The following UHRF2 variants were observed in gnomAD, a reference collection of about 807,000 sequenced individuals.
The protein encoded by UHRF2 is ubiquitin like with PHD and ring finger domains 2.
A neutral mutation model predicts 96.8 loss-of-function variants in UHRF2; 23 were observed. The ratio of observed to expected loss-of-function variants is 0.24; its 90% confidence interval spans 0.17 to 0.34. The LOEUF (loss-of-function observed/expected upper bound fraction) is 0.34, where lower values mean the gene tolerates loss of function less well. Ranked by LOEUF, UHRF2 falls within the 10% of genes least tolerant of loss-of-function variation. The probability of loss-of-function intolerance (pLI) is 1.00; values close to 1 mark genes in which losing one functional copy is unlikely to be tolerated. For synonymous variants in UHRF2, 385 were observed against 332.6 expected (o/e 1.16, Z -1.72); for missense variants, 685 against 981.5 (o/e 0.70, Z 4.04).
Position 6,413,255 on chromosome 9 carries a change from T to G in UHRF2, c.-236T>G, listed in dbSNP as rs909595252. 2 of 197,982 alleles carry G rather than the reference T, an allele frequency of 1.0e-5. No homozygotes were observed. Among genetic ancestry groups the G allele is most frequent in the African/African-American group, 4.7e-5 (2 of 42,604 alleles). 12.3% of individuals were successfully genotyped at this position (197,982 alleles called of 1,614,324 possible). A position where few individuals can be genotyped will look rare whatever the true frequency, so the allele number is the denominator to read the frequency against. ...GCCTCTTCCTATCTTTGAGGCGGTG[T>G]CTGCGGCAGCGCCTCAGAGTGGTTC... On this transcript the variant is annotated 5_prime_UTR_variant, in exon 1 of 16. Transcript: ENST00000276893.
Position 6,460,759 on chromosome 9 carries a change from C to T in UHRF2, c.831C>T (p.Thr277=), listed in dbSNP as rs201395060. The T allele has an allele frequency of 1.2e-6, 2 of 1,611,548 alleles. No homozygotes were observed. The highest frequency in any genetic ancestry group is 1.7e-5 in the Admixed American group (1 of 59,514). Residue 277 remains threonine (T), a synonymous_variant, in exon 4 of 16, where the codon ACC becomes ACT. Transcript: ENST00000276893. ...CCACATTGAAGACAATCTCAAGGAC[C>T]AAAAAAGAACTTCGTGTGAAAATTT... The part of the protein sequence containing the change: ...EITTLKTISR[T]KKELRVKIFL...
chr9:6,449,424 A>G (rs1821717944), intron 3 of UHRF2: 1 of 152,246 alleles, frequency 6.6e-6, no homozygotes, highest in African/African-American at 2.4e-5. Flanking sequence ...ATAGACCAGC[A>G]TCATGGTCTA....
At chr9:6,413,875 G>A (rs1259239925) in intron 1 of UHRF2, 4 of 430,248 alleles carry the variant, frequency 9.3e-6, no homozygotes, top group Non-Finnish European at 1.6e-5. Context: ...CAGAAGTGAG[G>A]GCGTCCGGAG....
At chr9:6,445,126 T>C (rs62566133) in intron 3 of UHRF2, among the ~76,000 whole-genome samples, 1 of 582 alleles carries the variant, frequency 1.7e-3, no homozygotes, top group African/African-American at 6.3e-3. Flanking sequence ...CCCTATCTCT[T>C]ATTTAAAAAA....
chr9:6,502,612 A>T (rs13298500), intron 14 of UHRF2, among the ~76,000 whole-genome samples: 41,288 of 152,110 alleles, frequency 0.27, 7,549 homozygotes, highest in African/African-American at 0.51. Flanking sequence ...TATCTGAAAC[A>T]GTTTTTGTTT....
intron 2 of UHRF2, among the ~76,000 whole-genome samples, chr9:6,423,468 C>T (rs1325244191): frequency 1.3e-5 from 2 of 152,110 alleles, no homozygotes; most frequent in African/African-American, 2.4e-5. Context: ...AAAATTATGG[C>T]TGCTTATTAA....
chr9:6,485,675 A>G (rs1824228443), intron 8 of UHRF2, among the ~76,000 whole-genome samples: 1 of 143,160 alleles, frequency 7.0e-6, no homozygotes, highest in Non-Finnish European at 1.5e-5. Flanking sequence ...GCTAAGAACA[A>G]TTGTATTGGC....
intron 4 of UHRF2, among the ~76,000 whole-genome samples, chr9:6,473,296 A>G (rs13283687): frequency 0.04 from 6,151 of 152,306 alleles, 152 homozygotes; most frequent in Middle Eastern, 0.085. Flanking sequence ...CCATGAGTCC[A>G]TAGTAACACA....
In UHRF2 at chr9:6,413,514, T is replaced by G. The variant is rs1462369095; in HGVS notation, c.24T>G (p.Ile8Met). 1 of 1,583,466 alleles carries G rather than the reference T, an allele frequency of 6.3e-7. No homozygotes were observed. The highest frequency in any genetic ancestry group is 8.6e-7 in the Non-Finnish European group (1 of 1,166,110). ...AGATGTGGATACAGGTTCGCACCATTGATGGCTCCAAGACGTGCACCATTG... is the reference window on the plus strand; with the variant it reads ...AGATGTGGATACAGGTTCGCACCATGGATGGCTCCAAGACGTGCACCATTG... MWIQVRT[I>M]DGSKTCTIED... Residue 8 changes from isoleucine (I) to methionine (M), a missense_variant, in exon 1 of 16, where the codon ATT (isoleucine) becomes ATG (methionine). By Grantham distance (10) the Ile-to-Met change is conservative. Transcript: ENST00000276893.
chr9:6,437,545 T>G (rs1820924168), intron 3 of UHRF2, among the ~76,000 whole-genome samples: 1 of 152,106 alleles, frequency 6.6e-6, no homozygotes. Flanking sequence ...ATTTTTTTAT[T>G]GAGTAGTAAG....
At chr9:6,413,947 C>T (rs938542709) in intron 1 of UHRF2, 3 of 234,544 alleles carry the variant, frequency 1.3e-5, no homozygotes, top group African/African-American at 2.3e-5. Flanking sequence ...GTGCCCAGGT[C>T]CCTCGCTTCC....
chr9:6,431,957 CAG>C (rs1213842160), intron 2 of UHRF2, among the ~76,000 whole-genome samples: 5 of 152,168 alleles, frequency 3.3e-5, no homozygotes, highest in Non-Finnish European at 4.4e-5. Context: ...TTTGCTGCGA[CAG>C]AGTAGTAACC....
chr9:6,484,265 A>G (rs1319093610), intron 8 of UHRF2, among the ~76,000 whole-genome samples: 2 of 151,996 alleles, frequency 1.3e-5, no homozygotes, highest in Non-Finnish European at 2.9e-5. Flanking sequence ...TGGTAGAGAC[A>G]GGGTCATGCT....
intron 3 of UHRF2, among the ~76,000 whole-genome samples, chr9:6,460,371 T>A (rs1428548979): frequency 1.3e-5 from 2 of 152,176 alleles, no homozygotes; most frequent in Non-Finnish European, 2.9e-5. Context: ...CAGTTCATGC[T>A]GATATAGAAA....
chr9:6,486,920 G>T lies in UHRF2; in HGVS notation c.1492G>T (p.Glu498Ter). ...SLVLAGGFAD[E>*]VDRGDEFTYT... is the part of the protein sequence containing the mutation. ...TGTACTGGCTGGTGGATTTGCGGAT[G>T]AAGTCGTAAGTCATTATACAACCTT... is the stretch of plus-strand genomic sequence containing the variant. Residue 498 changes from glutamate (E) to a stop codon, truncating the protein, a stop_gained, in exon 9 of 16, where the codon GAA becomes TAA. Transcript: ENST00000276893. LOFTEE classifies it high-confidence loss of function. 6.2e-7 allele frequency: 1 copy of T among 1,613,948 alleles called. No homozygotes were observed. The highest frequency in any genetic ancestry group is 8.5e-7 in the Non-Finnish European group (1 of 1,179,932).
intron 8 of UHRF2, among the ~76,000 whole-genome samples, chr9:6,485,056 G>A (rs905928938): frequency 2.6e-5 from 4 of 152,048 alleles, no homozygotes; most frequent in Non-Finnish European, 5.9e-5. Context: ...GCCTCCCAAA[G>A]TGCTGGGATT....
intron 3 of UHRF2, among the ~76,000 whole-genome samples, chr9:6,452,867 T>G (rs1311363607): frequency 6.6e-6 from 1 of 152,154 alleles, no homozygotes; most frequent in African/African-American, 2.4e-5. Flanking sequence ...AGCTTTAGAG[T>G]TGTCACTGTA....
chr9:6,425,885 C>G (rs1387420941), intron 2 of UHRF2, among the ~76,000 whole-genome samples: 1 of 152,110 alleles, frequency 6.6e-6, no homozygotes, highest in African/African-American at 2.4e-5. Flanking sequence ...TTGTACTAAC[C>G]TGTGTATATA....
chr9:6,414,190 G>T (rs1216798342), intron 1 of UHRF2: 1 of 152,274 alleles, frequency 6.6e-6, no homozygotes, highest in Non-Finnish European at 1.5e-5. Context: ...GCAAACTGAA[G>T]ATTCGAAGGG....
Sources: allele counts gnomAD v4.1 joint callset (sites outside exome capture counted in the v4.1 genomes callset), GRCh38; gene constraint gnomAD v4.1.1; transcripts MANE v1.5; gene names NCBI Gene and HGNC (gene_info 2026-07-23, HGNC 2026-07-21).